MAVS: variants seen among roughly 807,000 people sequenced by gnomAD.
The protein encoded by MAVS is mitochondrial antiviral signaling protein.
In MAVS, 20 loss-of-function variants were observed where a neutral mutation model predicts 30.2. That is an observed-to-expected ratio of 0.66 (90% confidence interval 0.47 to 0.96). The LOEUF (loss-of-function observed/expected upper bound fraction) is 0.96, where lower values mean the gene tolerates loss of function less well. Among genes scored for constraint, MAVS ranks in the 40% least tolerant of loss-of-function variants. The pLI is 0.00. For synonymous variants in MAVS, 278 were observed against 293.9 expected (o/e 0.95, Z 0.55); for missense variants, 624 against 701.1 (o/e 0.89, Z 1.24).
rs2089907969 is a variant in MAVS at position 3,866,227 on chromosome 20, T to C, written c.*80T>C. 1.1e-5 allele frequency: 15 copies of C among 1,332,220 alleles called. No homozygotes were observed. The highest frequency in any genetic ancestry group is 1.5e-5 in the Non-Finnish European group (15 of 994,654). 82.5% of individuals were successfully genotyped at this position (1,332,220 alleles called of 1,614,324 possible). A position where few individuals can be genotyped will look rare whatever the true frequency, so the allele number is the denominator to read the frequency against. On this transcript the variant is annotated 3_prime_UTR_variant, in exon 7 of 7. Transcript: ENST00000428216. The stretch of plus-strand genomic sequence containing the variant: ...GCCCCTCTCCGAAGCCCCTTGTCCC[T>C]TTCTTGGGGATTGTGGAGGCTGGGT...
chr20:3,868,894 A>T lies in MAVS; in HGVS notation c.*2747A>T, dbSNP rs1380507936. ...GTGATACTCTGTCTCAAAGAAAAAA[A>T]ATTATAATTTTAGCACAGTAACCAG... On this transcript the variant is annotated 3_prime_UTR_variant, in exon 7 of 7. Transcript: ENST00000428216. The T allele has an allele frequency of 1.3e-5, 2 of 152,280 alleles. No individual in the cohort carries two copies. Among genetic ancestry groups the T allele is most frequent in the East Asian group, 1.9e-4 (1 of 5,312 alleles). 9.4% of individuals were successfully genotyped at this position (152,280 alleles called of 1,614,324 possible).
In MAVS at chr20:3,864,164, G is replaced by A. The variant is rs962427142; in HGVS notation, c.626-92G>A. On this transcript the variant is annotated intron_variant, in intron 5 of 6. Coordinates refer to ENST00000428216, the MANE Select transcript of MAVS (RefSeq NM_020746.5). ...GATTTGGAGGCCTAGACACAGTAGGGACCATGAGATCTGGGCCAGAGGGAC... is the reference window on the plus strand; with the variant it reads ...GATTTGGAGGCCTAGACACAGTAGGAACCATGAGATCTGGGCCAGAGGGAC... The A allele has an allele frequency of 1.3e-5, 18 of 1,367,530 alleles. No individual in the cohort carries two copies. The East Asian group carries it at 2.5e-4, about 19-fold the overall frequency. 84.7% of individuals were successfully genotyped at this position (1,367,530 alleles called of 1,614,324 possible).
intron 2 of MAVS, among the ~76,000 whole-genome samples, chr20:3,856,618 C>T (rs955017270): frequency 3.9e-5 from 6 of 152,110 alleles, no homozygotes; most frequent in South Asian, 2.1e-4. Context: ...GCTGGGATTA[C>T]GGGTGTGAGC....
chr20:3,857,530 C>T, intron 2 of MAVS, 105 bp from the exon 3 acceptor site: 1 of 1,399,744 alleles, frequency 7.1e-7, no homozygotes, highest in Non-Finnish European at 9.7e-7. Flanking sequence ...CTGCCTTGCC[C>T]TTGTGGCTTT....
chr20:3,854,566 C>T lies in MAVS; in HGVS notation c.-59C>T. On this transcript the variant is annotated 5_prime_UTR_variant, in exon 2 of 7. Coordinates refer to ENST00000428216, the MANE Select transcript of MAVS (RefSeq NM_020746.5). ...GATCTGTTTTCTTCCAGTCTCGTTTCCTCTCAGTCCATCCACCCTTCATGG... is the reference window on the plus strand; with the variant it reads ...GATCTGTTTTCTTCCAGTCTCGTTTTCTCTCAGTCCATCCACCCTTCATGG... The T allele has an allele frequency of 8.2e-7, 1 of 1,214,386 alleles. No individual in the cohort carries two copies. Among genetic ancestry groups the T allele is most frequent in the South Asian group, 1.3e-5 (1 of 76,202 alleles). 75.2% of individuals were successfully genotyped at this position (1,214,386 alleles called of 1,614,324 possible). A position where few individuals can be genotyped will look rare whatever the true frequency, so the allele number is the denominator to read the frequency against.
At position 3,861,517 on chromosome 20, in the gene MAVS, A is replaced by T; in HGVS notation, c.465+13A>T. 6.2e-7 allele frequency: 1 copy of T among 1,610,644 alleles called. No individual in the cohort carries two copies. The highest frequency in any genetic ancestry group is 2.2e-5 in the East Asian group (1 of 44,816). ...GTCCCCAGGAGAGGTCTGTCCTCAT[A>T]GTCTACCTTGAGCCACCACTTTTGT... is the stretch of plus-strand genomic sequence containing the variant. On this transcript the variant is annotated intron_variant, in intron 4 of 6. Transcript: ENST00000428216.
chr20:3,859,377 GCA>G (rs2089843400), intron 3 of MAVS, among the ~76,000 whole-genome samples: 1 of 151,892 alleles, frequency 6.6e-6, no homozygotes, highest in Non-Finnish European at 1.5e-5. Context: ...GCATGGTGGT[GCA>G]AGCCTGTAAT....
At chr20:3,847,587 G>A (rs1376215757) in intron 1 of MAVS, among the ~76,000 whole-genome samples, 4 of 152,342 alleles carry the variant, frequency 2.6e-5, no homozygotes, top group Middle Eastern at 6.8e-3. Flanking sequence ...TATGGAAGCC[G>A]TGAAGCCTCA....
In MAVS at chr20:3,875,998, C is replaced by T. The variant is rs554776438; in HGVS notation, c.*9851C>T. On this transcript the variant is annotated 3_prime_UTR_variant, in exon 7 of 7. Coordinates refer to ENST00000428216, the MANE Select transcript of MAVS (RefSeq NM_020746.5). ...CCAAAGGAATTGGAGAAGAGATAAA[C>T]TGGTAATTGGTGAAAGAATTACTTT... 1 of 152,460 alleles carries T rather than the reference C, an allele frequency of 6.6e-6. No homozygotes were observed. Among genetic ancestry groups the T allele is most frequent in the African/African-American group, 2.4e-5 (1 of 41,576 alleles). 9.4% of individuals were successfully genotyped at this position (152,460 alleles called of 1,614,324 possible).
chr20:3,856,949 T>A (rs1352139303), intron 2 of MAVS, among the ~76,000 whole-genome samples: 9 of 149,850 alleles, frequency 6.0e-5, no homozygotes, highest in Admixed American at 4.7e-4. Flanking sequence ...GGCAGGAGAA[T>A]CGCTTGAACT....
rs149958089 is a variant in MAVS at position 3,865,720 on chromosome 20, G to A, written c.1196G>A (p.Gly399Glu). Residue 399 changes from glycine to glutamate, a missense_variant, in exon 7 of 7, where the codon GGA (glycine) becomes GAA (glutamate). Gly to Glu is a moderately conservative substitution (Grantham distance 98). Transcript: ENST00000428216. The surrounding 1 kb of genome is among the most constrained non-coding windows in gnomAD (Gnocchi z 4.7). ...GCTCCAACACCCGCCGGCGCCACTGGAGGCAGCTCAGCCTGGCTAGACAGC... is the reference window on the plus strand; with the variant it reads ...GCTCCAACACCCGCCGGCGCCACTGAAGGCAGCTCAGCCTGGCTAGACAGC... ...PAAPTPAGATGGSSAWLDSSS... is the reference protein window; with the variant it reads ...PAAPTPAGATEGSSAWLDSSS... 2 of 1,611,784 alleles carry A rather than the reference G, an allele frequency of 1.2e-6. No individual in the cohort carries two copies. The highest frequency in any genetic ancestry group is 1.3e-5 in the African/African-American group (1 of 74,904).
Position 3,871,431 on chromosome 20 carries a change from A to T in MAVS, c.*5284A>T, listed in dbSNP as rs1205460324. On this transcript the variant is annotated 3_prime_UTR_variant, in exon 7 of 7. Transcript: ENST00000428216. ...GCCGAAGCGGGTTCCTCTGTTGTCA[A>T]GCTCTTTGGAGGTGCCTGGCTGCTA... 1 of 153,664 alleles carries T rather than the reference A, an allele frequency of 6.5e-6. No homozygotes were observed. Among genetic ancestry groups the T allele is most frequent in the Admixed American group, 6.5e-5 (1 of 15,268 alleles). The allele number at this position is 153,664 out of a possible 1,614,324, so 9.5% of individuals were successfully genotyped here.
At chr20:3,858,485 C>G (rs1039342085) in intron 3 of MAVS, among the ~76,000 whole-genome samples, 4 of 151,982 alleles carry the variant, frequency 2.6e-5, no homozygotes, top group African/African-American at 9.7e-5. Context: ...GGAGACCACC[C>G]TGGCTAAAAC....
intron 3 of MAVS, among the ~76,000 whole-genome samples, chr20:3,859,652 A>G (rs897558674): frequency 3.9e-5 from 6 of 151,938 alleles, no homozygotes; most frequent in Non-Finnish European, 7.4e-5. Flanking sequence ...TGGAGGAGAA[A>G]GCCACTGGGT....
At chr20:3,861,797 G>C (rs1458416121) in intron 4 of MAVS, among the ~76,000 whole-genome samples, 1 of 152,032 alleles carries the variant, frequency 6.6e-6, no homozygotes, top group Non-Finnish European at 1.5e-5. Context: ...CACCCAGGCT[G>C]GAGTGCAGTG....
rs2089975334 is a variant in MAVS, at chr20:3,874,277, G to A, written c.*8130G>A. 5.0e-6 allele frequency: 2 copies of A among 398,506 alleles called. No homozygotes were observed. The highest frequency in any genetic ancestry group is 4.4e-6 in the Non-Finnish European group (1 of 226,020). 24.7% of individuals were successfully genotyped at this position (398,506 alleles called of 1,614,324 possible). On this transcript the variant is annotated 3_prime_UTR_variant, in exon 7 of 7. Transcript: ENST00000428216. ...GCCAGGGGAACAGTTAACAGGGGAG[G>A]GATACTGGGGAGGGGCATCCTGGAG...
intron 1 of MAVS, among the ~76,000 whole-genome samples, chr20:3,852,329 A>C (rs536205732): frequency 6.6e-6 from 1 of 152,274 alleles, no homozygotes; most frequent in East Asian, 1.9e-4. Flanking sequence ...GCCTGCAGCC[A>C]TGTCATGGAA....
intron 4 of MAVS, 75 bp downstream of exon 4, chr20:3,861,579 A>G: frequency 1.3e-6 from 2 of 1,482,664 alleles, no homozygotes; most frequent in South Asian, 2.4e-5. Context: ...TGAGCCTTCC[A>G]GAAACCCTCT....
Position 3,864,486 on chromosome 20 carries a change from G to A in MAVS, c.856G>A (p.Gly286Arg). The part of the protein sequence containing the change: ...DQAEPIICSS[G>R]AEAPANSLPS... ...GGCCGAGCCTATCATCTGCTCCAGT[G>A]GGGCAGAGGCACCTGCCAACTCTCT... The change falls in exon 6 of 7, where the codon GGG becomes AGG. Residue 286 changes from glycine (G) to arginine (R), a missense_variant. Gly to Arg is a moderately radical substitution (Grantham distance 125). Coordinates refer to ENST00000428216, the MANE Select transcript of MAVS (RefSeq NM_020746.5). 1.9e-6 allele frequency: 3 copies of A among 1,613,996 alleles called. No individual in the cohort carries two copies. Among genetic ancestry groups the A allele is most frequent in the Non-Finnish European group, 2.5e-6 (3 of 1,180,022 alleles).
Sources: gnomAD v4.1 joint callset for allele counts (sites outside exome capture counted in the v4.1 genomes callset) on GRCh38, gnomAD v4.1.1 for gene constraint, Gnocchi (gnomAD v3.1) non-coding constraint, MANE v1.5 for transcripts, NCBI Gene and HGNC (gene_info 2026-07-23, HGNC 2026-07-21) for gene names.